Variants in NRG3 observed in about 807,000 individuals in gnomAD.
The protein encoded by NRG3 is neuregulin 3.
In NRG3, 31 loss-of-function variants were observed where a neutral mutation model predicts 66.9. The observed-to-expected ratio is 0.46, with a 90% confidence interval of 0.35 to 0.63. NRG3 has a LOEUF of 0.63. Among genes scored for constraint, NRG3 ranks in the 20% least tolerant of loss-of-function variants. NRG3 has a pLI of 0.00. For missense variants in NRG3, 910 were observed against 878.9 expected, an observed-to-expected ratio of 1.04 and a Z score of -0.45; for synonymous variants, 393 against 359.4, an observed-to-expected ratio of 1.09 and a Z score of -1.06.
chr10:82,253,343 C>T (rs970021414), intron 1 of NRG3, among the ~76,000 whole-genome samples: 1 of 152,118 alleles, frequency 6.6e-6, no homozygotes, highest in Non-Finnish European at 1.5e-5. Flanking sequence ...ACAAGATGAA[C>T]CTTCCTATCA....
intron 3 of NRG3, chr10:82,799,879 CAGTTCAACTGG>C (rs2060965709): frequency 6.6e-6 from 1 of 152,208 alleles, no homozygotes; most frequent in Non-Finnish European, 1.5e-5. Context: ...TCCCTAACAA[CAGTTCAACTGG>C]AAGAGTGGTT....
intron 1 of NRG3, among the ~76,000 whole-genome samples, chr10:81,963,157 G>C: frequency 1.2e-5 from 1 of 80,976 alleles, no homozygotes; most frequent in East Asian, 4.3e-4. Flanking sequence ...TTTTTGAGAC[G>C]GAGTCTCGCT....
intron 1 of NRG3, among the ~76,000 whole-genome samples, chr10:82,226,509 C>T (rs879758620): frequency 1.3e-5 from 2 of 152,066 alleles, no homozygotes; most frequent in Non-Finnish European, 2.9e-5. Context: ...TGATGAGGTA[C>T]TAAACCTCTA....
intron 3 of NRG3, among the ~76,000 whole-genome samples, chr10:82,838,341 C>T (rs1403447230): frequency 6.6e-6 from 1 of 151,954 alleles, no homozygotes; most frequent in Admixed American, 6.6e-5. Flanking sequence ...ATTAAGGGAA[C>T]CTCTGCAGAG....
chr10:82,617,234 C>T (rs1010311141), intron 2 of NRG3, among the ~76,000 whole-genome samples: 3 of 151,454 alleles, frequency 2.0e-5, no homozygotes, highest in Non-Finnish European at 4.4e-5. Flanking sequence ...ACACCACACA[C>T]ACACACCACA....
intron 1 of NRG3, among the ~76,000 whole-genome samples, chr10:82,153,853 G>T (rs112504881): frequency 2.0e-5 from 3 of 151,876 alleles, no homozygotes; most frequent in African/African-American, 7.2e-5. Flanking sequence ...TTGGCCATTT[G>T]TATGTCTTCT....
chr10:82,963,471 G>C (rs1850883154), intron 6 of NRG3, among the ~76,000 whole-genome samples: 1 of 151,888 alleles, frequency 6.6e-6, no homozygotes, highest in South Asian at 2.1e-4. Context: ...ACGAGGTCAG[G>C]AGATCGAGAC....
chr10:82,193,681 A>G (rs2074288311), intron 1 of NRG3, among the ~76,000 whole-genome samples: 1 of 152,308 alleles, frequency 6.6e-6, no homozygotes, highest in Admixed American at 6.5e-5. Context: ...GAGATCAAGA[A>G]TGAAATTCCG....
rs146180561 is a variant in NRG3, at chr10:82,146,791, A to C, written c.824-211948A>C. Among the ~76,000 whole-genome samples the C allele has an allele frequency of 2.6e-5, 4 of 152,244 alleles. No individual in the cohort carries two copies. In the East Asian group the frequency reaches 7.8e-4, roughly 30 times the overall value. Reference sequence around the variant, plus strand: ...GATGGGTAGCCCCAGGGCTGCTTGCAAAAACTATTTCTTTTTGTCTCCATC... The same window carrying C: ...GATGGGTAGCCCCAGGGCTGCTTGCCAAAACTATTTCTTTTTGTCTCCATC... On this transcript the variant is annotated intron_variant, in intron 1 of 8. Coordinates refer to ENST00000372141, the MANE Select transcript of NRG3 (RefSeq NM_001010848.4).
chr10:82,804,754 C>A (rs1224677972), intron 3 of NRG3, among the ~76,000 whole-genome samples: 1 of 152,144 alleles, frequency 6.6e-6, no homozygotes, highest in African/African-American at 2.4e-5. Context: ...CAACTAACTG[C>A]CCTTTGCTAG....
At chr10:82,747,850 C>A (rs538371088) in intron 3 of NRG3, among the ~76,000 whole-genome samples, 2 of 151,748 alleles carry the variant, frequency 1.3e-5, no homozygotes, top group African/African-American at 4.8e-5. Context: ...AAAAGTAGTT[C>A]ATATGGGCTA....
intron 2 of NRG3, among the ~76,000 whole-genome samples, chr10:82,464,370 G>A (rs561244967): frequency 1.3e-5 from 2 of 152,302 alleles, no homozygotes; most frequent in Non-Finnish European, 2.9e-5. Flanking sequence ...GAGAAGCACC[G>A]AGTGCATTTG....
At chr10:82,476,980 T>C (rs1216574187) in intron 2 of NRG3, among the ~76,000 whole-genome samples, 3 of 152,200 alleles carry the variant, frequency 2.0e-5, no homozygotes, top group Non-Finnish European at 4.4e-5. Context: ...TCATCCAGAC[T>C]TTCCCTTTTG....
chr10:82,863,709 A>C (rs2064264636), intron 3 of NRG3, among the ~76,000 whole-genome samples: 2 of 151,976 alleles, frequency 1.3e-5, no homozygotes, highest in Non-Finnish European at 2.9e-5. Context: ...GGGTTGTACA[A>C]ACTTTATTCT....
chr10:81,958,754 C>A (rs924590706), intron 1 of NRG3, among the ~76,000 whole-genome samples: 1 of 151,954 alleles, frequency 6.6e-6, no homozygotes, highest in South Asian at 2.1e-4. Context: ...CTGGGCATGG[C>A]GGTGGATGCC....
chr10:82,373,238 G>A (rs2085005126), intron 2 of NRG3, among the ~76,000 whole-genome samples: 2 of 152,342 alleles, frequency 1.3e-5, no homozygotes, highest in South Asian at 4.1e-4. Flanking sequence ...CCTAAAACAG[G>A]ATAGCTTTCT....
chr10:82,546,579 G>GA (rs1450311846), intron 2 of NRG3, among the ~76,000 whole-genome samples: 1 of 152,122 alleles, frequency 6.6e-6, no homozygotes, highest in Non-Finnish European at 1.5e-5. Flanking sequence ...TGATAATATA[G>GA]ATGGGATTTT....
At chr10:82,751,651 A>G (rs513829) in intron 3 of NRG3, among the ~76,000 whole-genome samples, 92,603 of 152,000 alleles carry the variant, frequency 0.61, 31,132 homozygotes, top group South Asian at 0.75. Context: ...AACTCTTACA[A>G]GATAAAGTAG....
At chr10:82,775,839 C>T (rs994004988) in intron 3 of NRG3, among the ~76,000 whole-genome samples, 6 of 151,994 alleles carry the variant, frequency 3.9e-5, no homozygotes, top group African/African-American at 1.5e-4. Context: ...TTACCCACTC[C>T]CCTACAATTT....
Sources: gnomAD v4.1 joint callset for allele counts (sites outside exome capture counted in the v4.1 genomes callset) on GRCh38, gnomAD v4.1.1 for gene constraint, MANE v1.5 for transcripts, NCBI Gene and HGNC (gene_info 2026-07-23, HGNC 2026-07-21) for gene names.